The following LRRC4C variants were observed in gnomAD, a reference collection of about 807,000 sequenced individuals.
The protein encoded by LRRC4C is leucine-rich repeat-containing protein 4C.
A neutral mutation model predicts 33.6 loss-of-function variants in LRRC4C; 5 were observed. The observed-to-expected ratio is 0.15, with a 90% CI of 0.08 to 0.31. The LOEUF (loss-of-function observed/expected upper bound fraction) is 0.31. Ranked by LOEUF, LRRC4C falls within the 10% of genes least tolerant of loss-of-function variation. LRRC4C has a pLI of 1.00. For synonymous variants in LRRC4C, 329 were observed against 302.0 expected (o/e 1.09, Z -0.93); for missense variants, 560 against 796.7 (o/e 0.70, Z 3.58).
chr11:40,998,279 A>G (rs1565285752), intron 1 of LRRC4C, among the ~76,000 whole-genome samples: 1 of 151,984 alleles, frequency 6.6e-6, no homozygotes, highest in Non-Finnish European at 1.5e-5. Context: ...AAAAAAGGAC[A>G]TTCTTCCATG....
At chr11:40,774,618 C>G (rs996667844) in intron 2 of LRRC4C, among the ~76,000 whole-genome samples, 1 of 152,028 alleles carries the variant, frequency 6.6e-6, no homozygotes, top group Non-Finnish European at 1.5e-5. Context: ...TGATCTTTAA[C>G]CTGTGAAGAA....
chr11:40,184,166 T>C (rs899462826), intron 5 of LRRC4C, among the ~76,000 whole-genome samples: 1 of 152,156 alleles, frequency 6.6e-6, no homozygotes, highest in Non-Finnish European at 1.5e-5. Context: ...CTCAAAGGTG[T>C]TCTGAATTGA....
chr11:40,943,506 T>A lies in LRRC4C; in HGVS notation c.-495-9783A>T, dbSNP rs115501391. 1.3e-3 allele frequency among the ~76,000 whole-genome samples: 194 copies of A among 152,334 alleles called. 2 individuals are homozygous for A. The highest frequency in any genetic ancestry group is 4.5e-3 in the African/African-American group (187 of 41,580). On this transcript the variant is annotated intron_variant, in intron 1 of 6. Coordinates refer to ENST00000528697, the MANE Select transcript of LRRC4C (RefSeq NM_001258419.2). ...CAGTTGGATTTGCTTGTATTACTAG[T>A]ATACTTTAAAGCAGAGTAAGGGATC...
rs193288967 is a variant in LRRC4C, at chr11:40,162,126, A to C, written c.-95-21273T>G. On this transcript the variant is annotated intron_variant, in intron 5 of 6. Transcript: ENST00000528697. ...ACGATTCAACTTCTTACTCATTATC[A>C]TCATCTTTTCATTGTCTGGAAAACT... Among the ~76,000 whole-genome samples, 14 of 151,892 alleles carry C rather than the reference A, an allele frequency of 9.2e-5. 1 individual carries two copies. The highest frequency in any genetic ancestry group is 7.9e-4 in the Admixed American group (12 of 15,256).
chr11:41,075,949 C>G lies in LRRC4C; in HGVS notation c.-495-142226G>C, dbSNP rs1011304552. Among the ~76,000 whole-genome samples, 9 of 143,166 alleles carry G rather than the reference C, an allele frequency of 6.3e-5. No homozygotes were observed. The South Asian group carries it at 7.1e-4, about 11-fold the overall frequency. The allele number at this position is 143,166 out of a possible 152,430, so 93.9% of individuals were successfully genotyped here. A position where few individuals can be genotyped will look rare whatever the true frequency, so the allele number is the denominator to read the frequency against. The stretch of plus-strand genomic sequence containing the variant: ...TTTCTTTACATGGCTTCAGGAACAC[C>G]ACTTCTACTGGTTCTTCTATACATT... On this transcript the variant is annotated intron_variant, in intron 1 of 6. Transcript: ENST00000528697.
intron 5 of LRRC4C, among the ~76,000 whole-genome samples, chr11:40,226,482 G>T (rs1565157893): frequency 6.6e-6 from 1 of 152,178 alleles, no homozygotes; most frequent in Non-Finnish European, 1.5e-5. Flanking sequence ...TGGGCTTTAA[G>T]CCCATATCTT....
intron 2 of LRRC4C, among the ~76,000 whole-genome samples, chr11:40,652,984 G>C (rs1190780378): frequency 6.6e-6 from 1 of 152,126 alleles, no homozygotes; most frequent in Non-Finnish European, 1.5e-5. Flanking sequence ...GGTTTTATAA[G>C]CATCTCATTC....
rs192471862 is a variant in LRRC4C at position 40,312,667 on chromosome 11, G to T, written c.-176+6961C>A. On this transcript the variant is annotated intron_variant, in intron 4 of 6. Transcript: ENST00000528697. Reference sequence around the variant, plus strand: ...TCAAGGGAATCCAGAGCTATTGAGGGGTTCCTGTTTTAGTCTTATTTGCAA... The same window carrying T: ...TCAAGGGAATCCAGAGCTATTGAGGTGTTCCTGTTTTAGTCTTATTTGCAA... Among the ~76,000 whole-genome samples, 4 of 152,160 alleles carry T rather than the reference G, an allele frequency of 2.6e-5. No individual in the cohort carries two copies. The East Asian group carries it at 7.7e-4, about 29-fold the overall frequency.
intron 3 of LRRC4C, among the ~76,000 whole-genome samples, chr11:40,501,759 T>C (rs1954785029): frequency 6.6e-6 from 1 of 152,150 alleles, no homozygotes; most frequent in Admixed American, 6.5e-5. Context: ...AGGTCTCTGA[T>C]ATGTCCTGGA....
intron 3 of LRRC4C, among the ~76,000 whole-genome samples, chr11:40,494,736 T>A (rs1954340989): frequency 6.6e-6 from 1 of 152,192 alleles, no homozygotes; most frequent in Non-Finnish European, 1.5e-5. Context: ...GAAGCACTAT[T>A]CCTGCTACTT....
chr11:40,870,247 C>T (rs1954568379), intron 2 of LRRC4C, among the ~76,000 whole-genome samples: 1 of 152,138 alleles, frequency 6.6e-6, no homozygotes, highest in Non-Finnish European at 1.5e-5. Flanking sequence ...CAATTCCAAT[C>T]TCTCCTTTTA....
chr11:40,396,869 G>A (rs1035593713), intron 3 of LRRC4C, among the ~76,000 whole-genome samples: 1 of 151,988 alleles, frequency 6.6e-6, no homozygotes, highest in Non-Finnish European at 1.5e-5. Context: ...AGAAATATAA[G>A]ATTCCCAGGA....
intron 3 of LRRC4C, among the ~76,000 whole-genome samples, chr11:40,477,571 A>G (rs1953302685): frequency 6.6e-6 from 1 of 151,612 alleles, no homozygotes; most frequent in Non-Finnish European, 1.5e-5. Flanking sequence ...CTAATTGCTT[A>G]CTCATTTGCT....
At chr11:40,659,495 C>A (rs1943311741) in intron 2 of LRRC4C, among the ~76,000 whole-genome samples, 1 of 152,152 alleles carries the variant, frequency 6.6e-6, no homozygotes, top group Non-Finnish European at 1.5e-5. Flanking sequence ...CTTTTTCCAG[C>A]CTGCCCTTGG....
chr11:40,481,065 T>TAA (rs199804804), intron 3 of LRRC4C, among the ~76,000 whole-genome samples: 3 of 136,722 alleles, frequency 2.2e-5, no homozygotes, highest in South Asian at 2.3e-4. Context: ...TTTACAACAG[T>TAA]AAAAAAAAAA....
chr11:40,968,611 ACT>A (rs571312569), intron 1 of LRRC4C, among the ~76,000 whole-genome samples: 199 of 152,152 alleles, frequency 1.3e-3, no homozygotes, highest in Non-Finnish European at 1.9e-3. Flanking sequence ...CTCATTTACA[ACT>A]CTGAAAATTT....
intron 1 of LRRC4C, among the ~76,000 whole-genome samples, chr11:41,015,261 GTAA>G (rs1009886887): frequency 3.9e-5 from 6 of 152,076 alleles, no homozygotes; most frequent in Non-Finnish European, 8.8e-5. Flanking sequence ...TAACAAAGAT[GTAA>G]TAATGTTATT....
chr11:40,842,632 T>A (rs1229786996), intron 2 of LRRC4C, among the ~76,000 whole-genome samples: 1 of 152,170 alleles, frequency 6.6e-6, no homozygotes, highest in African/African-American at 2.4e-5. Context: ...CAAACAGATC[T>A]AGGATTTATT....
chr11:41,333,401 A>G (rs562508298), intron 1 of LRRC4C, among the ~76,000 whole-genome samples: 1 of 152,346 alleles, frequency 6.6e-6, no homozygotes, highest in South Asian at 2.1e-4. Context: ...TCAAAATAAC[A>G]TGTACAGTTA....
Sources: allele counts gnomAD v4.1 joint callset (sites outside exome capture counted in the v4.1 genomes callset), GRCh38; gene constraint gnomAD v4.1.1; transcripts MANE v1.5; gene names NCBI Gene and HGNC (gene_info 2026-07-23, HGNC 2026-07-21).